ZBTB20: variants seen among roughly 807,000 people sequenced by gnomAD.
The protein encoded by ZBTB20 is zinc finger and BTB domain containing 20, also known as zinc finger and BTB domain-containing protein 20.
In ZBTB20, 9 loss-of-function variants were observed where a neutral mutation model predicts 56.9. The observed-to-expected ratio is 0.16, with a 90% CI of 0.10 to 0.28. The LOEUF is 0.28. Among genes scored for constraint, ZBTB20 ranks in the 10% least tolerant of loss-of-function variants. The pLI, the probability that ZBTB20 is intolerant of heterozygous loss-of-function variation, is 1.00. For synonymous variants in ZBTB20, 417 were observed against 420.7 expected, an observed-to-expected ratio of 0.99 and a Z score of 0.11; for missense variants, 655 against 1,003.0, an observed-to-expected ratio of 0.65 and a Z score of 4.69.
chr3:114,594,876 G>A (rs1250974770), intron 6 of ZBTB20, among the ~76,000 whole-genome samples: 4 of 152,140 alleles, frequency 2.6e-5, no homozygotes, highest in Non-Finnish European at 4.4e-5. Context: ...CACAAAAACG[G>A]ATCTAACTAT....
chr3:114,584,322 C>A (rs998665138), intron 6 of ZBTB20, among the ~76,000 whole-genome samples: 1 of 151,932 alleles, frequency 6.6e-6, no homozygotes, highest in African/African-American at 2.4e-5. Flanking sequence ...AATAGTGTAT[C>A]ATTTATTTGC....
intron 7 of ZBTB20, among the ~76,000 whole-genome samples, chr3:114,438,561 C>T (rs1308812335): frequency 3.3e-5 from 5 of 151,954 alleles, no homozygotes; most frequent in Non-Finnish European, 7.4e-5. Flanking sequence ...TTCTTCTGAA[C>T]CACATTATGT....
Position 114,820,177 on chromosome 3 carries a change from C to T in ZBTB20, c.-416-19003G>A, listed in dbSNP as rs533900541. On this transcript the variant is annotated intron_variant, in intron 4 of 11. Coordinates refer to ENST00000675478, the MANE Select transcript of ZBTB20 (RefSeq NM_001348800.3). Reference sequence around the variant, plus strand: ...ATAAAAATTTATATATAAAAATGATCCTCAGAGTAGGAGAAATAATAGTGG... The same window carrying T: ...ATAAAAATTTATATATAAAAATGATTCTCAGAGTAGGAGAAATAATAGTGG... 2.6e-5 allele frequency among the ~76,000 whole-genome samples: 4 copies of T among 151,702 alleles called. No homozygotes were observed. The South Asian group carries it at 8.3e-4, about 32-fold the overall frequency.
intron 7 of ZBTB20, among the ~76,000 whole-genome samples, chr3:114,435,255 C>A (rs1407742542): frequency 6.6e-6 from 1 of 152,050 alleles, no homozygotes; most frequent in East Asian, 1.9e-4. Flanking sequence ...AACTTGCACA[C>A]CATAGCAGCA....
intron 3 of ZBTB20, among the ~76,000 whole-genome samples, chr3:114,919,796 T>G (rs1308559337): frequency 6.6e-6 from 1 of 151,468 alleles, no homozygotes; most frequent in South Asian, 2.1e-4. Flanking sequence ...TAAATGTAAA[T>G]GGATTAAATT....
At chr3:114,553,539 A>T (rs2050827755) in intron 6 of ZBTB20, among the ~76,000 whole-genome samples, 1 of 151,856 alleles carries the variant, frequency 6.6e-6, no homozygotes, top group Admixed American at 6.5e-5. Context: ...TTCCTAACTC[A>T]GTCTTATTAT....
intron 2 of ZBTB20, among the ~76,000 whole-genome samples, chr3:115,051,684 T>G (rs1336972081): frequency 6.6e-6 from 1 of 152,160 alleles, no homozygotes; most frequent in African/African-American, 2.4e-5. Flanking sequence ...GTAAGACAAA[T>G]TTCAGCAAGT....
chr3:114,643,608 G>C (rs2059676212), intron 6 of ZBTB20, among the ~76,000 whole-genome samples: 2 of 152,194 alleles, frequency 1.3e-5, no homozygotes, highest in Admixed American at 6.5e-5. Context: ...ATGTTTGATT[G>C]ATTTCCTGCA....
chr3:114,431,938 A>G (rs1576730803), intron 7 of ZBTB20, among the ~76,000 whole-genome samples: 1 of 152,328 alleles, frequency 6.6e-6, no homozygotes, highest in East Asian at 1.9e-4. Context: ...GTAGAAAAGG[A>G]AACATTAGCA....
At position 115,035,595 on chromosome 3, in the gene ZBTB20, G is replaced by A. The variant is rs114311649; in HGVS notation, c.-507+35624C>T. 4.3e-3 allele frequency among the ~76,000 whole-genome samples: 659 copies of A among 151,592 alleles called. 3 individuals are homozygous for A. Among genetic ancestry groups the A allele is most frequent in the African/African-American group, 0.014 (595 of 41,172 alleles). On this transcript the variant is annotated intron_variant, in intron 2 of 11. Coordinates refer to ENST00000675478, the MANE Select transcript of ZBTB20 (RefSeq NM_001348800.3). The stretch of plus-strand genomic sequence containing the variant: ...CAAAACAAGTTTTAGTGAGGATATG[G>A]AGAAGTTGGAACCATTTTACACCTT...
chr3:114,716,021 G>T (rs547309075), intron 5 of ZBTB20, among the ~76,000 whole-genome samples: 70 of 152,218 alleles, frequency 4.6e-4, no homozygotes, highest in African/African-American at 1.6e-3. Flanking sequence ...ATTCTTTCCT[G>T]CTGATAAACA....
intron 3 of ZBTB20, among the ~76,000 whole-genome samples, chr3:114,963,337 A>G (rs2077525074): frequency 6.6e-6 from 1 of 151,890 alleles, no homozygotes; most frequent in African/African-American, 2.4e-5. Flanking sequence ...TCCTAGATGA[A>G]TTTTCCCTTG....
chr3:115,013,115 G>C (rs2079792183), intron 2 of ZBTB20, among the ~76,000 whole-genome samples: 3 of 151,328 alleles, frequency 2.0e-5, no homozygotes, highest in Admixed American at 2.0e-4. Context: ...TGAAAAAATA[G>C]AAAAACTTCA....
intron 4 of ZBTB20, among the ~76,000 whole-genome samples, chr3:114,855,048 T>G (rs2075181913): frequency 6.6e-6 from 1 of 152,230 alleles, no homozygotes; most frequent in Non-Finnish European, 1.5e-5. Context: ...AGACCATATC[T>G]TCTTTGGCCA....
In ZBTB20 at chr3:114,316,444, A is replaced by G. The variant is rs573363374; in HGVS notation, c.*22561T>C. On this transcript the variant is annotated 3_prime_UTR_variant, in exon 12 of 12. Transcript: ENST00000675478. ...CATCTGGATTTGTAATGAGCATCTG[A>G]TTTTGTTATGTGCATGTGTGTATAT... The G allele has an allele frequency of 4.2e-6, 2 of 473,298 alleles. No homozygotes were observed. Among genetic ancestry groups the G allele is most frequent in the East Asian group, 7.2e-5 (1 of 13,960 alleles). 29.3% of individuals were successfully genotyped at this position (473,298 alleles called of 1,614,324 possible).
At chr3:114,655,790 C>G (rs2060379931) in intron 6 of ZBTB20, among the ~76,000 whole-genome samples, 2 of 152,064 alleles carry the variant, frequency 1.3e-5, no homozygotes, top group Admixed American at 1.3e-4. Flanking sequence ...TTTTTACATA[C>G]TTCATATCTG....
chr3:114,557,177 T>C (rs1251003270), intron 6 of ZBTB20, among the ~76,000 whole-genome samples: 4 of 152,004 alleles, frequency 2.6e-5, no homozygotes, highest in South Asian at 4.1e-4. Flanking sequence ...TTATGAGTTC[T>C]GTATTCTCTT....
chr3:114,734,159 T>C (rs928202172), intron 5 of ZBTB20, among the ~76,000 whole-genome samples: 1 of 151,508 alleles, frequency 6.6e-6, no homozygotes, highest in Non-Finnish European at 1.5e-5. Context: ...AAAAAGATTA[T>C]CAAATAGATA....
At chr3:115,025,891 A>G (rs2108322514) in intron 2 of ZBTB20, among the ~76,000 whole-genome samples, 1 of 148,610 alleles carries the variant, frequency 6.7e-6, no homozygotes, top group South Asian at 2.1e-4. Flanking sequence ...TATAAAATAT[A>G]CTAAAATACT....
Sources: gnomAD v4.1 joint callset for allele counts (sites outside exome capture counted in the v4.1 genomes callset) on GRCh38, gnomAD v4.1.1 for gene constraint, MANE v1.5 for transcripts, NCBI Gene and HGNC (gene_info 2026-07-23, HGNC 2026-07-21) for gene names.